Variants in MYO5A observed in about 807,000 individuals in gnomAD.
MYO5A encodes the protein unconventional myosin-Va.
MYO5A carries 98 observed loss-of-function variants against 249.7 expected under a neutral mutation model. The observed-to-expected ratio is 0.39, with a 90% CI of 0.33 to 0.46. The LOEUF is 0.46. Among genes scored for constraint, MYO5A ranks in the 20% least tolerant of loss-of-function variants. MYO5A has a pLI of 0.98. For missense variants in MYO5A, 1,696 were observed against 2,308.8 expected, an observed-to-expected ratio of 0.73 and a Z score of 5.44; for synonymous variants, 778 against 810.6, an observed-to-expected ratio of 0.96 and a Z score of 0.68.
chr15:52,359,622 A>G (rs1313917387), intron 25 of MYO5A, among the ~76,000 whole-genome samples: 1 of 152,232 alleles, frequency 6.6e-6, no homozygotes, highest in East Asian at 1.9e-4. Context: ...TAAATAAATA[A>G]TAAGTAAAAA....
intron 23 of MYO5A, 65 bp downstream of exon 23, chr15:52,366,966 G>T (rs1406976984): frequency 1.6e-6 from 2 of 1,271,458 alleles, no homozygotes; most frequent in East Asian, 2.3e-5. Context: ...CTCATCAAAT[G>T]ACATTGTAAC....
At chr15:52,462,346 G>A (rs2076269796) in intron 1 of MYO5A, among the ~76,000 whole-genome samples, 1 of 151,692 alleles carries the variant, frequency 6.6e-6, no homozygotes, top group Non-Finnish European at 1.5e-5. Context: ...CTACAGGTTA[G>A]GCGAATAATA....
chr15:52,397,878 T>C (rs982634949), intron 9 of MYO5A, among the ~76,000 whole-genome samples: 1 of 152,180 alleles, frequency 6.6e-6, no homozygotes, highest in Non-Finnish European at 1.5e-5. Context: ...ATTAATCAAA[T>C]GATTGCTCCC....
intron 4 of MYO5A, among the ~76,000 whole-genome samples, chr15:52,424,397 T>C (rs2075351364): frequency 6.6e-6 from 1 of 152,228 alleles, no homozygotes; most frequent in Admixed American, 6.5e-5. Context: ...GTGCTTCATT[T>C]TTCTCATTTG....
chr15:52,407,528 G>C (rs1040202663), intron 7 of MYO5A, 129 bp from the exon 8 acceptor site: 1 of 477,038 alleles, frequency 2.1e-6, no homozygotes, highest in African/African-American at 2.0e-5. Context: ...GACTGCCTGT[G>C]TTTTCAATTG....
chr15:52,448,298 A>C (rs2075937989), intron 1 of MYO5A, among the ~76,000 whole-genome samples: 1 of 152,094 alleles, frequency 6.6e-6, no homozygotes, highest in African/African-American at 2.4e-5. Flanking sequence ...GGATTTAATG[A>C]CTGTCCTGCT....
At chr15:52,329,689 G>A (rs931962432) in intron 35 of MYO5A, among the ~76,000 whole-genome samples, 2 of 152,086 alleles carry the variant, frequency 1.3e-5, no homozygotes, top group African/African-American at 4.8e-5. Context: ...GAACCTAAAC[G>A]GCCTAGAGCA....
rs934612550 is a variant in MYO5A, at chr15:52,321,211, G to A, written c.4951+148C>T. 1.5e-5 allele frequency: 15 copies of A among 984,488 alleles called. No individual in the cohort carries two copies. In the Admixed American group the frequency reaches 2.8e-4, roughly 18 times the overall value. The allele number at this position is 984,488 out of a possible 1,614,324, so 61.0% of individuals were successfully genotyped here. A position where few individuals can be genotyped will look rare whatever the true frequency, so the allele number is the denominator to read the frequency against. On this transcript the variant is annotated intron_variant, in intron 38 of 41. Transcript: ENST00000399233. Reference sequence around the variant, plus strand: ...CCAGTTAACTATGGCTGGGTTTCTGGGATTCCTCGGCTAATTTTAGCCCTG... The same window carrying A: ...CCAGTTAACTATGGCTGGGTTTCTGAGATTCCTCGGCTAATTTTAGCCCTG...
chr15:52,425,470 C>T (rs1315650851), intron 4 of MYO5A, among the ~76,000 whole-genome samples: 1 of 152,176 alleles, frequency 6.6e-6, no homozygotes, highest in East Asian at 1.9e-4. Flanking sequence ...AGCAATTCTC[C>T]TGTCTCAGCC....
At chr15:52,353,576 C>A (rs755858106) in intron 27 of MYO5A, 29 bp downstream of exon 27, 2 of 1,605,640 alleles carry the variant, frequency 1.2e-6, no homozygotes, top group South Asian at 2.2e-5. Context: ...ACAAAATATT[C>A]AAAGTCTTGA....
chr15:52,422,960 C>T (rs1292040717), intron 4 of MYO5A, among the ~76,000 whole-genome samples: 2 of 152,198 alleles, frequency 1.3e-5, no homozygotes, highest in African/African-American at 4.8e-5. Context: ...TCGTAGATCA[C>T]TGTAATCCTG....
In MYO5A at chr15:52,528,852, C is replaced by G. The variant is rs1208078243; in HGVS notation, c.-46G>C. ...GCCCCCCGCCTGTGCGGAGGCCGCA[C>G]CTCGCCTGGGCGGCCGCCCGAGCGG... On this transcript the variant is annotated 5_prime_UTR_variant, in exon 1 of 42. Transcript: ENST00000399233. The G allele has an allele frequency of 9.0e-6, 13 of 1,445,562 alleles. No individual in the cohort carries two copies. The South Asian group carries it at 1.1e-4, about 12-fold the overall frequency. 89.5% of individuals were successfully genotyped at this position (1,445,562 alleles called of 1,614,324 possible).
chr15:52,337,670 G>T, intron 33 of MYO5A, 140 bp downstream of exon 33: 1 of 580,902 alleles, frequency 1.7e-6, no homozygotes. Flanking sequence ...CTGGCTAAAA[G>T]ACAGCTGTGG....
At chr15:52,363,172 G>A (rs2040623462) in intron 24 of MYO5A, among the ~76,000 whole-genome samples, 1 of 152,142 alleles carries the variant, frequency 6.6e-6, no homozygotes, top group South Asian at 2.1e-4. Flanking sequence ...AATAAATAGA[G>A]TGAACAAAAA....
chr15:52,434,704 G>T (rs1467132049), intron 1 of MYO5A, among the ~76,000 whole-genome samples: 1 of 152,224 alleles, frequency 6.6e-6, no homozygotes, highest in African/African-American at 2.4e-5. Flanking sequence ...CATTGAAGAA[G>T]TGTTTTTATG....
At chr15:52,510,479 G>A (rs150183213) in intron 1 of MYO5A, among the ~76,000 whole-genome samples, 139 of 152,258 alleles carry the variant, frequency 9.1e-4, no homozygotes, top group African/African-American at 3.1e-3. Flanking sequence ...CCCGGGCTAT[G>A]GACCAGTACC....
intron 1 of MYO5A, among the ~76,000 whole-genome samples, chr15:52,447,232 G>A (rs912292580): frequency 1.1e-4 from 17 of 152,162 alleles, no homozygotes; most frequent in East Asian, 7.7e-4. Flanking sequence ...TGCTGTCTTC[G>A]TGATAGTGAG....
At position 52,336,482 on chromosome 15, in the gene MYO5A, T is replaced by G. The variant is rs1335917924; in HGVS notation, c.4389A>C (p.Lys1463Asn). The change falls in exon 34 of 42, where the codon AAA becomes AAC. Residue 1463 changes from lysine to asparagine, a missense_variant. Lys to Asn is a moderately conservative substitution (Grantham distance 94). Around this residue, in one of 5 missense-constraint regions of MYO5A, gnomAD observed 625 missense variants for 908.1 expected, o/e 0.69. Transcript: ENST00000399233. Reference protein sequence around the residue: ...KLKKQLKVFAKKIGELEVGQM... With the variant: ...KLKKQLKVFANKIGELEVGQM... ...AAATACCTTCTAGTTCGCCAATTTT[T>G]TTGGCAAATACTTTCAGTTGTTTTT... The G allele has an allele frequency of 6.2e-7, 1 of 1,605,110 alleles. No individual in the cohort carries two copies. The highest frequency in any genetic ancestry group is 2.2e-5 in the East Asian group (1 of 44,810).
intron 38 of MYO5A, 113 bp from the exon 39 acceptor site, chr15:52,319,455 C>T (rs951619268): frequency 4.6e-5 from 54 of 1,182,226 alleles, no homozygotes; most frequent in African/African-American, 2.3e-4. Flanking sequence ...TAGCTGGGCA[C>T]GGTGGCTCAC....
Sources: allele counts gnomAD v4.1 joint callset (sites outside exome capture counted in the v4.1 genomes callset), GRCh38; gene constraint gnomAD v4.1.1; regional missense constraint gnomAD v4.1.1; transcripts MANE v1.5; gene names NCBI Gene and HGNC (gene_info 2026-07-23, HGNC 2026-07-21).